The following EXOC6B variants were observed in gnomAD, a reference collection of about 807,000 sequenced individuals.
EXOC6B encodes exocyst complex component 6B.
In EXOC6B, 54 loss-of-function variants were observed where a neutral mutation model predicts 113.5. The ratio of observed to expected loss-of-function variants is 0.48; its 90% CI spans 0.38 to 0.60. The LOEUF (loss-of-function observed/expected upper bound fraction) is 0.60. EXOC6B is among the 20% of genes least tolerant of loss of function. The pLI is 0.00. For synonymous variants in EXOC6B, 357 were observed against 339.0 expected, an observed-to-expected ratio of 1.05 and a Z score of -0.58; for missense variants, 797 against 977.5, an observed-to-expected ratio of 0.82 and a Z score of 2.46.
At chr2:72,728,398 G>A (rs1041867280) in intron 5 of EXOC6B, among the ~76,000 whole-genome samples, 2 of 152,272 alleles carry the variant, frequency 1.3e-5, no homozygotes, top group Admixed American at 6.5e-5. Context: ...TTGAATGTGA[G>A]TCCAAGGAGA....
chr2:72,784,789 A>T (rs1238880048), intron 1 of EXOC6B, among the ~76,000 whole-genome samples: 2 of 152,168 alleles, frequency 1.3e-5, no homozygotes, highest in Admixed American at 6.5e-5. Context: ...AAACCATATC[A>T]TTCCACCCCT....
chr2:72,566,771 T>G lies in EXOC6B; in HGVS notation c.847-7250A>C, dbSNP rs189414400. 2.2e-3 allele frequency among the ~76,000 whole-genome samples: 339 copies of G among 152,190 alleles called. 3 individuals carry two copies. Among genetic ancestry groups the G allele is most frequent in the Non-Finnish European group, 1.1e-3 (76 of 67,940 alleles). ...TTTAATAAGAAAACATTGGAAATCA[T>G]TTAGTGTCCATGTATAGATTAGCTG... is the stretch of plus-strand genomic sequence containing the variant. On this transcript the variant is annotated intron_variant, in intron 7 of 21. Coordinates refer to ENST00000272427, the MANE Select transcript of EXOC6B (RefSeq NM_015189.3).
At chr2:72,320,721 T>C (rs1687798734) in intron 20 of EXOC6B, among the ~76,000 whole-genome samples, 1 of 152,166 alleles carries the variant, frequency 6.6e-6, no homozygotes, top group Non-Finnish European at 1.5e-5. Flanking sequence ...AAAAGTGACA[T>C]TATAACTGTA....
intron 6 of EXOC6B, among the ~76,000 whole-genome samples, chr2:72,639,604 C>G (rs2104331804): frequency 6.6e-6 from 1 of 152,344 alleles, no homozygotes; most frequent in South Asian, 2.1e-4. Flanking sequence ...GTTGACACCA[C>G]TTATCACAGT....
chr2:72,622,893 C>T (rs1258847558), intron 6 of EXOC6B, among the ~76,000 whole-genome samples: 1 of 152,092 alleles, frequency 6.6e-6, no homozygotes, highest in Non-Finnish European at 1.5e-5. Flanking sequence ...GTTGGTAGAA[C>T]TATAGATTAG....
intron 19 of EXOC6B, chr2:72,335,330 TG>T (rs999105439): frequency 4.5e-6 from 1 of 222,920 alleles, no homozygotes; most frequent in Admixed American, 5.5e-5. Flanking sequence ...GAGGAGGGAG[TG>T]GGGGAGAGAA....
At chr2:72,505,165 T>A (rs971734302) in intron 11 of EXOC6B, among the ~76,000 whole-genome samples, 1 of 152,194 alleles carries the variant, frequency 6.6e-6, no homozygotes, top group Admixed American at 6.5e-5. Flanking sequence ...TCCTTCCATA[T>A]CCTGAATCAT....
chr2:72,558,786 G>GAT (rs989475528), intron 8 of EXOC6B, among the ~76,000 whole-genome samples: 12 of 151,492 alleles, frequency 7.9e-5, no homozygotes, highest in East Asian at 1.9e-4. Context: ...AAAAAAAAAA[G>GAT]ATATATATAT....
intron 6 of EXOC6B, among the ~76,000 whole-genome samples, chr2:72,593,022 G>A (rs1229668118): frequency 6.6e-6 from 1 of 152,034 alleles, no homozygotes; most frequent in Non-Finnish European, 1.5e-5. Context: ...AGTGGCCAAT[G>A]ATTTAATTAA....
intron 16 of EXOC6B, among the ~76,000 whole-genome samples, chr2:72,485,112 T>G (rs1165506469): frequency 6.6e-6 from 1 of 152,176 alleles, no homozygotes; most frequent in Non-Finnish European, 1.5e-5. Context: ...CTATTTCTTG[T>G]GGAGGTAATT....
intron 19 of EXOC6B, among the ~76,000 whole-genome samples, chr2:72,345,206 A>G (rs1003166977): frequency 1.3e-5 from 2 of 152,232 alleles, no homozygotes; most frequent in Non-Finnish European, 2.9e-5. Context: ...CTGCAGTTCC[A>G]AAACAGTTAT....
intron 18 of EXOC6B, among the ~76,000 whole-genome samples, chr2:72,456,456 T>C (rs765340747): frequency 4.6e-5 from 7 of 152,140 alleles, no homozygotes; most frequent in Non-Finnish European, 1.0e-4. Flanking sequence ...TGCAAGCTGC[T>C]GCACTATACA....
rs574228438 is a variant in EXOC6B at position 72,557,279 on chromosome 2, A to G, written c.915+2174T>C. Among the ~76,000 whole-genome samples, 34 of 100,926 alleles carry G rather than the reference A, an allele frequency of 3.4e-4. No individual in the cohort carries two copies. The Middle Eastern group carries it at 0.016, about 47-fold the overall frequency. The allele number at this position is 100,926 out of a possible 152,430, so 66.2% of individuals were successfully genotyped here. ...TGAATGGAAAAAAATATAATGAAAC[A>G]AAATAAAATCCGGGGGGGGGGGGGG... On this transcript the variant is annotated intron_variant, in intron 8 of 21. Transcript: ENST00000272427.
At chr2:72,552,507 A>C (rs753156704) in intron 8 of EXOC6B, among the ~76,000 whole-genome samples, 23 of 152,194 alleles carry the variant, frequency 1.5e-4, no homozygotes, top group Non-Finnish European at 3.2e-4. Context: ...GAGATGTCCA[A>C]CTAATTTTAA....
At chr2:72,454,063 A>G (rs1697066221) in intron 18 of EXOC6B, among the ~76,000 whole-genome samples, 1 of 152,156 alleles carries the variant, frequency 6.6e-6, no homozygotes, top group African/African-American at 2.4e-5. Context: ...CCATGGTTCA[A>G]TTATCTCCAC....
chr2:72,802,448 T>C (rs958240893), intron 1 of EXOC6B, among the ~76,000 whole-genome samples: 1 of 152,144 alleles, frequency 6.6e-6, no homozygotes, highest in African/African-American at 2.4e-5. Context: ...CTATTGTGTA[T>C]TGTTGACTTT....
At chr2:72,260,869 T>C (rs747140947) in intron 20 of EXOC6B, among the ~76,000 whole-genome samples, 1 of 152,168 alleles carries the variant, frequency 6.6e-6, no homozygotes, top group African/African-American at 2.4e-5. Context: ...TCTAAACCAT[T>C]GATTTAGAAA....
chr2:72,514,768 T>A (rs1192873320), intron 9 of EXOC6B, 88 bp from the exon 10 acceptor site: 2 of 774,556 alleles, frequency 2.6e-6, no homozygotes, highest in Non-Finnish European at 4.2e-6. Context: ...CTCTTAAGGC[T>A]CAGCTCCCTA....
chr2:72,402,781 G>C (rs929601443), intron 18 of EXOC6B, among the ~76,000 whole-genome samples: 1 of 151,976 alleles, frequency 6.6e-6, no homozygotes, highest in Non-Finnish European at 1.5e-5. Flanking sequence ...CCTTTCAATG[G>C]GGTTTGCTTT....
Sources: allele counts gnomAD v4.1 joint callset (sites outside exome capture counted in the v4.1 genomes callset), GRCh38; gene constraint gnomAD v4.1.1; transcripts MANE v1.5; gene names NCBI Gene and HGNC (gene_info 2026-07-23, HGNC 2026-07-21).